Variants in PIK3C2A observed in about 807,000 individuals in gnomAD.
PIK3C2A encodes phosphatidylinositol 4-phosphate 3-kinase C2 domain-containing subunit alpha.
PIK3C2A carries 97 observed loss-of-function variants against 204.5 expected under a neutral mutation model. That is an observed-to-expected ratio of 0.47 (90% CI 0.40 to 0.56). The LOEUF (loss-of-function observed/expected upper bound fraction) is 0.56. PIK3C2A is among the 20% of genes least tolerant of loss of function. PIK3C2A has a pLI of 0.00. For missense variants in PIK3C2A, 1,735 were observed against 1,969.2 expected, an observed-to-expected ratio of 0.88 and a Z score of 2.25; for synonymous variants, 653 against 664.4, an observed-to-expected ratio of 0.98 and a Z score of 0.26.
intron 27 of PIK3C2A, among the ~76,000 whole-genome samples, chr11:17,095,775 T>C (rs10832736): frequency 0.58 from 87,385 of 150,934 alleles, 25,618 homozygotes; most frequent in East Asian, 0.82. Flanking sequence ...ATTAGCCGGG[T>C]GTGCTGGCGC....
chr11:17,150,735 A>C (rs1590966082), intron 3 of PIK3C2A, 80 bp from the exon 4 acceptor site: 6 of 956,890 alleles, frequency 6.3e-6, no homozygotes. Flanking sequence ...TTACATGTTT[A>C]CAGCCACTCA....
intron 1 of PIK3C2A, among the ~76,000 whole-genome samples, chr11:17,206,194 T>C (rs1257731096): frequency 6.6e-6 from 1 of 152,114 alleles, no homozygotes; most frequent in Non-Finnish European, 1.5e-5. Context: ...AACACGCATA[T>C]AAAACACAAA....
At chr11:17,187,888 T>C (rs1810681329) in intron 1 of PIK3C2A, among the ~76,000 whole-genome samples, 1 of 152,026 alleles carries the variant, frequency 6.6e-6, no homozygotes, top group Non-Finnish European at 1.5e-5. Flanking sequence ...TAGGGGACTA[T>C]CATGACAAAA....
chr11:17,089,473 T>A lies in PIK3C2A; in HGVS notation c.*265A>T. Reference sequence around the variant, plus strand: ...TCAAAGTCTTTTTCAGGAATTAGTATATATTAAGTTTAGGGTTTGTAGCAT... The same window carrying A: ...TCAAAGTCTTTTTCAGGAATTAGTAAATATTAAGTTTAGGGTTTGTAGCAT... On this transcript the variant is annotated 3_prime_UTR_variant, in exon 33 of 33. Transcript: ENST00000691414. The A allele has an allele frequency of 3.0e-6, 1 of 333,414 alleles. No homozygotes were observed. The highest frequency in any genetic ancestry group is 5.5e-6 in the Non-Finnish European group (1 of 181,584). 20.7% of individuals were successfully genotyped at this position (333,414 alleles called of 1,614,324 possible). A position where few individuals can be genotyped will look rare whatever the true frequency, so the allele number is the denominator to read the frequency against.
intron 1 of PIK3C2A, among the ~76,000 whole-genome samples, chr11:17,178,114 A>AAAAAAAAAAAAAAAT (rs1565294473): frequency 1.4e-5 from 1 of 73,238 alleles, no homozygotes; most frequent in African/African-American, 4.4e-5. Flanking sequence ...AAAAAAAAAG[A>AAAAAAAAAAAAAAAT]AAAAAAAAAT....
Position 17,203,160 on chromosome 11 carries a change from T to C in PIK3C2A, c.-66+4688A>G, listed in dbSNP as rs115428742. 8.5e-4 allele frequency among the ~76,000 whole-genome samples: 130 copies of C among 152,270 alleles called. 1 individual carries two copies. Among genetic ancestry groups the C allele is most frequent in the African/African-American group, 3.1e-3 (128 of 41,566 alleles). On this transcript the variant is annotated intron_variant, in intron 1 of 32. Transcript: ENST00000691414. ...TCCTTTTAACTTTCTAAAATGTCCATATGCACTCTCATTGTGTTTTAAATC... is the reference window on the plus strand; with the variant it reads ...TCCTTTTAACTTTCTAAAATGTCCACATGCACTCTCATTGTGTTTTAAATC...
chr11:17,200,322 T>C (rs1852322668), intron 1 of PIK3C2A, among the ~76,000 whole-genome samples: 2 of 152,170 alleles, frequency 1.3e-5, no homozygotes, highest in South Asian at 4.1e-4. Flanking sequence ...AATTTAAACA[T>C]AGGGGAAACT....
rs766412628 is a variant in PIK3C2A, at chr11:17,168,844, C to G, written c.898G>C (p.Ala300Pro). 6.2e-7 allele frequency: 1 copy of G among 1,614,084 alleles called. No individual in the cohort carries two copies. The highest frequency in any genetic ancestry group is 2.2e-5 in the East Asian group (1 of 44,870). The change falls in exon 2 of 33, where the codon GCA becomes CCA. Residue 300 changes from alanine (A) to proline (P), a missense_variant. Transcript: ENST00000691414. ...AGAACAGCATCCCAAGGATCCTTTG[C>G]TAGCAAACTTGAAACATTTTTCTCT... ...EEEKNVSSLL[A>P]KDPWDAVLLE... is the part of the protein sequence containing the mutation.
intron 12 of PIK3C2A, 34 bp downstream of exon 12, chr11:17,131,882 A>G (rs1003160086): frequency 1.9e-6 from 3 of 1,577,786 alleles, no homozygotes; most frequent in Admixed American, 3.7e-5. Context: ...AACAGGACAC[A>G]CTGAAAGAAT....
At chr11:17,192,067 C>A (rs1851965525) in intron 1 of PIK3C2A, among the ~76,000 whole-genome samples, 1 of 151,966 alleles carries the variant, frequency 6.6e-6, no homozygotes, top group Non-Finnish European at 1.5e-5. Context: ...AAAGCTTGAG[C>A]CCAGGAAGCA....
At chr11:17,101,591 A>ATTTTTCTTTT (rs1346658949) in intron 24 of PIK3C2A, among the ~76,000 whole-genome samples, 157 bp from the exon 25 acceptor site, 2 of 149,218 alleles carry the variant, frequency 1.3e-5, no homozygotes, top group South Asian at 4.2e-4. Flanking sequence ...TTAAAATAAC[A>ATTTTTCTTTT]TTTTTCTTTT....
At chr11:17,093,985 T>C (rs1848385202) in intron 28 of PIK3C2A, among the ~76,000 whole-genome samples, 1 of 152,150 alleles carries the variant, frequency 6.6e-6, no homozygotes, top group Non-Finnish European at 1.5e-5. Context: ...TTATCTTGTG[T>C]TGCTTACTAT....
intron 27 of PIK3C2A, among the ~76,000 whole-genome samples, chr11:17,095,138 A>ACT (rs1471108025): frequency 6.6e-6 from 1 of 152,142 alleles, no homozygotes; most frequent in African/African-American, 2.4e-5. Context: ...AGCCCCAGCT[A>ACT]CTTGGGAAGC....
intron 8 of PIK3C2A, chr11:17,141,484 T>A (rs1221990260): frequency 6.6e-6 from 1 of 152,108 alleles, no homozygotes; most frequent in Non-Finnish European, 1.5e-5. Context: ...TAATTTTAAA[T>A]TTATAGACAG....
At chr11:17,173,989 G>A (rs911037687) in intron 1 of PIK3C2A, among the ~76,000 whole-genome samples, 1 of 152,058 alleles carries the variant, frequency 6.6e-6, no homozygotes, top group Admixed American at 6.5e-5. Flanking sequence ...TTTTAGTAGA[G>A]ACCAAAAAGT....
At chr11:17,097,881 C>G (rs1054343429) in intron 26 of PIK3C2A, among the ~76,000 whole-genome samples, 2 of 152,182 alleles carry the variant, frequency 1.3e-5, no homozygotes, top group Non-Finnish European at 2.9e-5. Flanking sequence ...CGCCACTGCA[C>G]TCCACACTGG....
chr11:17,206,564 G>A (rs1287599605), intron 1 of PIK3C2A, among the ~76,000 whole-genome samples: 3 of 149,784 alleles, frequency 2.0e-5, no homozygotes, highest in East Asian at 3.9e-4. Flanking sequence ...CAGCCTGGGC[G>A]ACACAGTGAG....
chr11:17,181,643 T>C (rs1215008308), intron 1 of PIK3C2A, among the ~76,000 whole-genome samples: 6,595 of 15,492 alleles, frequency 0.43, 649 homozygotes, highest in Middle Eastern at 0.65. Flanking sequence ...TATATATATA[T>C]ATATATATAT....
chr11:17,111,449 T>G (rs1848996681), intron 21 of PIK3C2A, among the ~76,000 whole-genome samples: 1 of 152,186 alleles, frequency 6.6e-6, no homozygotes, highest in Non-Finnish European at 1.5e-5. Context: ...ATGAATTACT[T>G]TTTAACTAAA....
Sources: gnomAD v4.1 joint callset for allele counts (sites outside exome capture counted in the v4.1 genomes callset) on GRCh38, gnomAD v4.1.1 for gene constraint, MANE v1.5 for transcripts, NCBI Gene and HGNC (gene_info 2026-07-23, HGNC 2026-07-21) for gene names.